The following SPIC variants were observed in gnomAD, a reference collection of about 807,000 sequenced individuals.
SPIC encodes the protein Spi-C transcription factor.
In SPIC, 9 loss-of-function variants were observed where a neutral mutation model predicts 16.7. The observed-to-expected ratio is 0.54, with a 90% CI of 0.33 to 0.94. SPIC has a LOEUF of 0.94. Among genes scored for constraint, SPIC ranks in the 40% least tolerant of loss-of-function variants. The pLI, the probability that SPIC is intolerant of heterozygous loss-of-function variation, is 0.03. For synonymous variants in SPIC, 97 were observed against 102.9 expected (o/e 0.94, Z 0.35); for missense variants, 241 against 285.8 (o/e 0.84, Z 1.13).
chr12:101,486,298 G>T, intron 5 of SPIC, 46 bp from the exon 6 acceptor site: 1 of 1,547,572 alleles, frequency 6.5e-7, no homozygotes, highest in South Asian at 1.3e-5. Context: ...GGATGTTCTC[G>T]GTTTACAGCC....
At chr12:101,484,209 G>A (rs2121264065) in intron 5 of SPIC, among the ~76,000 whole-genome samples, 1 of 151,398 alleles carries the variant, frequency 6.6e-6, no homozygotes, top group East Asian at 1.9e-4. Context: ...ACATGGGATT[G>A]TACTCTTGCA....
Position 101,484,564 on chromosome 12 carries a change from GAA to G in SPIC, c.319+1667_319+1668del, listed in dbSNP as rs764445499. ...AAATAATAATAATAAATAAAATAAA[GAA>G]AATAAATAGATAGATAAATATATAG... is the stretch of plus-strand genomic sequence containing the variant. On this transcript the variant is annotated intron_variant, in intron 5 of 5. Transcript: ENST00000551346. 1.8e-3 allele frequency among the ~76,000 whole-genome samples: 264 copies of G among 146,786 alleles called. 2 individuals carry two copies. Among genetic ancestry groups the G allele is most frequent in the Non-Finnish European group, 2.6e-3 (174 of 66,518 alleles).
Position 101,476,686 on chromosome 12 carries a change from A to G in SPIC, c.-77-142A>G, listed in dbSNP as rs537825929. 7.4e-5 allele frequency: 25 copies of G among 338,506 alleles called. 1 individual carries two copies. Among genetic ancestry groups the G allele is most frequent in the Middle Eastern group, 1.7e-3 (2 of 1,192 alleles). The allele number at this position is 338,506 out of a possible 1,614,324, so 21.0% of individuals were successfully genotyped here. A position where few individuals can be genotyped will look rare whatever the true frequency, so the allele number is the denominator to read the frequency against. On this transcript the variant is annotated intron_variant, in intron 1 of 5. Coordinates refer to ENST00000551346, the MANE Select transcript of SPIC (RefSeq NM_152323.3). Reference sequence around the variant, plus strand: ...TTTGTAGAAAATTTCGTAGAAAAAAATTTGTACTCATCAAAGAGAATTCAG... The same window carrying G: ...TTTGTAGAAAATTTCGTAGAAAAAAGTTTGTACTCATCAAAGAGAATTCAG...
chr12:101,486,541 C>T lies in SPIC; in HGVS notation c.517C>T (p.Leu173Phe), dbSNP rs1391380068. 1 of 1,614,116 alleles carries T rather than the reference C, an allele frequency of 6.2e-7. No individual in the cohort carries two copies. The highest frequency in any genetic ancestry group is 8.5e-7 in the Non-Finnish European group (1 of 1,180,012). The change falls in exon 6 of 6, where the codon CTC becomes TTC. Residue 173 changes from leucine to phenylalanine, a missense_variant. By Grantham distance (22) the Leu-to-Phe change is conservative. Coordinates refer to ENST00000551346, the MANE Select transcript of SPIC (RefSeq NM_152323.3). ...GACTTACCAGAAAATGGCCAGGGCA[C>T]TCAGAAATTACGGAAGAAGTGGGGA... ...TMTYQKMARA[L>F]RNYGRSGEIT...
Position 101,486,842 on chromosome 12 carries a change from C to T in SPIC, c.*71C>T, listed in dbSNP as rs1395346482. ...AAGTTTTAATGATTTCTCCCTCCCT[C>T]TCTTTTTTTCCTCCTCTGAAGAAAT... is the stretch of plus-strand genomic sequence containing the variant. On this transcript the variant is annotated 3_prime_UTR_variant, in exon 6 of 6. Coordinates refer to ENST00000551346, the MANE Select transcript of SPIC (RefSeq NM_152323.3). 7.7e-7 allele frequency: 1 copy of T among 1,298,820 alleles called. No individual in the cohort carries two copies. Among genetic ancestry groups the T allele is most frequent in the African/African-American group, 1.5e-5 (1 of 67,772 alleles). The allele number at this position is 1,298,820 out of a possible 1,614,324, so 80.5% of individuals were successfully genotyped here. A position where few individuals can be genotyped will look rare whatever the true frequency, so the allele number is the denominator to read the frequency against.
chr12:101,486,435 A>G lies in SPIC; in HGVS notation c.411A>G (p.Lys137=). The change falls in exon 6 of 6, where the codon AAA becomes AAG. Residue 137 remains lysine (K), a synonymous_variant. Coordinates refer to ENST00000551346, the MANE Select transcript of SPIC (RefSeq NM_152323.3). ...ASCIQWVDKT[K]GIFQFVSKNK... ...GTATTCAGTGGGTAGATAAAACCAA[A>G]GGCATCTTTCAGTTTGTATCAAAAA... 1 of 1,614,200 alleles carries G rather than the reference A, an allele frequency of 6.2e-7. No homozygotes were observed. The highest frequency in any genetic ancestry group is 8.5e-7 in the Non-Finnish European group (1 of 1,180,038).
rs1873059410 is a variant in SPIC, at chr12:101,479,168, AAGAAAAAG to A, written c.98-412_98-405del. ...AAAAAAGAAAGAAAAGAAAGAAAGA[AAGAAAAAG>A]AAAGAAAGAAAGAAAGAAAGAAAGA... On this transcript the variant is annotated intron_variant, in intron 3 of 5. Coordinates refer to ENST00000551346, the MANE Select transcript of SPIC (RefSeq NM_152323.3). 2.4e-5 allele frequency among the ~76,000 whole-genome samples: 3 copies of A among 126,760 alleles called. No individual in the cohort carries two copies. The South Asian group carries it at 8.0e-4, about 34-fold the overall frequency. The allele number at this position is 126,760 out of a possible 152,430, so 83.2% of individuals were successfully genotyped here.
At position 101,479,294 on chromosome 12, in the gene SPIC, A is replaced by AAG. The variant is rs772854539; in HGVS notation, c.98-286_98-285dup. Among the ~76,000 whole-genome samples, 45 of 47,572 alleles carry AAG rather than the reference A, an allele frequency of 9.5e-4. 1 individual carries two copies. Among genetic ancestry groups the AAG allele is most frequent in the African/African-American group, 6.4e-3 (43 of 6,722 alleles). 31.2% of individuals were successfully genotyped at this position (47,572 alleles called of 152,430 possible). Reference sequence around the variant, plus strand: ...AGAAAGAAAGAAAGAAAAAGAAAGAAAGAAAGAAAGAAAAAAGAAAGAAAG... The same window carrying AAG: ...AGAAAGAAAGAAAGAAAAAGAAAGAAAGAGAAAGAAAGAAAAAAGAAAGAAAG... On this transcript the variant is annotated intron_variant, in intron 3 of 5. Transcript: ENST00000551346.
chr12:101,484,455 G>A (rs1873302173), intron 5 of SPIC, among the ~76,000 whole-genome samples: 1 of 152,044 alleles, frequency 6.6e-6, no homozygotes, highest in South Asian at 2.1e-4. Flanking sequence ...AGGATCACTT[G>A]AGTCCAGGAG....
Position 101,479,284 on chromosome 12 carries a change from A to AG in SPIC, c.98-298_98-297insG, listed in dbSNP as rs1384765311. 6.5e-5 allele frequency among the ~76,000 whole-genome samples: 4 copies of AG among 61,916 alleles called. No homozygotes were observed. In the South Asian group the frequency reaches 1.7e-3, roughly 27 times the overall value. The allele number at this position is 61,916 out of a possible 152,430, so 40.6% of individuals were successfully genotyped here. On this transcript the variant is annotated intron_variant, in intron 3 of 5. Transcript: ENST00000551346. ...AAGGAAAGAAAGAAAGAAAGAAAGAAAAAGAAAGAAAGAAAGAAAGAAAAA... is the reference window on the plus strand; with the variant it reads ...AAGGAAAGAAAGAAAGAAAGAAAGAAGAAAGAAAGAAAGAAAGAAAGAAAAA...
At chr12:101,479,775 C>A in intron 4 of SPIC, 81 bp downstream of exon 4, 1 of 1,076,546 alleles carries the variant, frequency 9.3e-7, no homozygotes, top group Non-Finnish European at 1.4e-6. Flanking sequence ...TGTCTGAAAC[C>A]CAGCTTAAAG....
intron 5 of SPIC, among the ~76,000 whole-genome samples, chr12:101,484,855 G>A (rs939129158): frequency 6.6e-5 from 10 of 151,588 alleles, no homozygotes; most frequent in African/African-American, 2.2e-4. Flanking sequence ...GCGACAGAGC[G>A]AGACTCCATC....
At chr12:101,477,406 G>A in intron 2 of SPIC, 152 bp from the exon 3 acceptor site, 2 of 684,584 alleles carry the variant, frequency 2.9e-6, no homozygotes, top group East Asian at 2.7e-5. Context: ...CAATGCACAG[G>A]CAGCCCCCCT....
At position 101,486,436 on chromosome 12, in the gene SPIC, G is replaced by C; in HGVS notation, c.412G>C (p.Gly138Arg). 1 of 1,614,090 alleles carries C rather than the reference G, an allele frequency of 6.2e-7. No homozygotes were observed. Among genetic ancestry groups the C allele is most frequent in the Non-Finnish European group, 8.5e-7 (1 of 1,180,026 alleles). Reference protein sequence around the residue: ...SCIQWVDKTKGIFQFVSKNKE... With the variant: ...SCIQWVDKTKRIFQFVSKNKE... ...TATTCAGTGGGTAGATAAAACCAAAGGCATCTTTCAGTTTGTATCAAAAAA... is the reference window on the plus strand; with the variant it reads ...TATTCAGTGGGTAGATAAAACCAAACGCATCTTTCAGTTTGTATCAAAAAA... Residue 138 changes from glycine (G) to arginine (R), a missense_variant, in exon 6 of 6, where the codon GGC (glycine) becomes CGC (arginine). Physicochemically the swap from Gly to Arg is moderately radical, Grantham distance 125. Coordinates refer to ENST00000551346, the MANE Select transcript of SPIC (RefSeq NM_152323.3).
rs1873339780 is a variant in SPIC, at chr12:101,485,610, ATTACC to A, written c.320-729_320-725del. 2.6e-5 allele frequency among the ~76,000 whole-genome samples: 4 copies of A among 152,304 alleles called. No homozygotes were observed. The South Asian group carries it at 8.3e-4, about 32-fold the overall frequency. ...GGTCTTCGGTATTAATTTCCTTAAT[ATTACC>A]TTACATTTGCATTCTATTTTGCATT... is the stretch of plus-strand genomic sequence containing the variant. On this transcript the variant is annotated intron_variant, in intron 5 of 5. Coordinates refer to ENST00000551346, the MANE Select transcript of SPIC (RefSeq NM_152323.3).
chr12:101,479,845 C>G, intron 4 of SPIC, 151 bp downstream of exon 4: 1 of 492,168 alleles, frequency 2.0e-6, no homozygotes, highest in Non-Finnish European at 3.5e-6. Flanking sequence ...GAGATGGAGT[C>G]TGGCTCTGTC....
chr12:101,482,292 A>C (rs1873227963), intron 4 of SPIC, among the ~76,000 whole-genome samples: 1 of 150,440 alleles, frequency 6.6e-6, no homozygotes, highest in Non-Finnish European at 1.5e-5. Context: ...CTGGTCTTGA[A>C]CTCCTGGGCT....
intron 4 of SPIC, among the ~76,000 whole-genome samples, chr12:101,481,806 G>A (rs976846466): frequency 6.0e-5 from 9 of 150,932 alleles, no homozygotes; most frequent in African/African-American, 2.4e-5. Context: ...GAGCCACTGT[G>A]CACCCAGCCA....
intron 5 of SPIC, among the ~76,000 whole-genome samples, chr12:101,484,818 A>G (rs533425661): frequency 1.3e-5 from 2 of 151,960 alleles, no homozygotes; most frequent in East Asian, 3.9e-4. Context: ...CAGTGAGCCA[A>G]GATTGCGCCA....
Sources: gnomAD v4.1 joint callset for allele counts (sites outside exome capture counted in the v4.1 genomes callset) on GRCh38, gnomAD v4.1.1 for gene constraint, MANE v1.5 for transcripts, NCBI Gene and HGNC (gene_info 2026-07-23, HGNC 2026-07-21) for gene names.